Variants in DIP2C observed in about 807,000 individuals in gnomAD.
DIP2C encodes the protein DIP2 acetate--CoA ligase C (putative).
Under a neutral mutation model 192.4 loss-of-function variants are expected in DIP2C, and 33 were observed. That is an observed-to-expected ratio of 0.17 (90% CI 0.13 to 0.23). The LOEUF (loss-of-function observed/expected upper bound fraction) is 0.23, where lower values mean the gene tolerates loss of function less well. Among genes scored for constraint, DIP2C ranks in the 10% least tolerant of loss-of-function variants. DIP2C has a pLI of 1.00. For synonymous variants in DIP2C, 979 were observed against 864.1 expected (o/e 1.13, Z -2.33); for missense variants, 1,537 against 2,110.1 (o/e 0.73, Z 5.32).
intron 1 of DIP2C, among the ~76,000 whole-genome samples, chr10:502,254 T>C (rs1286374936): frequency 6.6e-6 from 1 of 152,216 alleles, no homozygotes. Context: ...GAAGATATTA[T>C]GAGGCACACA....
intron 4 of DIP2C, among the ~76,000 whole-genome samples, chr10:425,443 C>T (rs189943415): frequency 5.5e-5 from 8 of 145,196 alleles, no homozygotes; most frequent in Non-Finnish European, 7.5e-5. Flanking sequence ...TAATATGACA[C>T]GGATGATACA....
chr10:294,759 A>G (rs536879669), intron 32 of DIP2C, among the ~76,000 whole-genome samples: 1 of 152,306 alleles, frequency 6.6e-6, no homozygotes, highest in African/African-American at 2.4e-5. Flanking sequence ...CGTTTTTAAA[A>G]AAATACTTAC....
rs528780867 is a variant in DIP2C at position 509,932 on chromosome 10, G to A, written c.86-23402C>T. On this transcript the variant is annotated intron_variant, in intron 1 of 36. Coordinates refer to ENST00000280886, the MANE Select transcript of DIP2C (RefSeq NM_014974.3). ...CAGCAAGAGGAAGCTTCCCAGGGCAGGAGTTCTCCTTTCACAGCAAAAGTG... is the reference window on the plus strand; with the variant it reads ...CAGCAAGAGGAAGCTTCCCAGGGCAAGAGTTCTCCTTTCACAGCAAAAGTG... Among the ~76,000 whole-genome samples, 4 of 152,328 alleles carry A rather than the reference G, an allele frequency of 2.6e-5. No homozygotes were observed. The South Asian group carries it at 8.3e-4, about 32-fold the overall frequency.
At chr10:407,402 T>C (rs1238598058) in intron 9 of DIP2C, among the ~76,000 whole-genome samples, 1 of 152,158 alleles carries the variant, frequency 6.6e-6, no homozygotes, top group East Asian at 1.9e-4. Context: ...CTGAGTGTAC[T>C]CATCTCTCTC....
At chr10:670,274 A>T (rs1257286900) in intron 1 of DIP2C, among the ~76,000 whole-genome samples, 2 of 142,422 alleles carry the variant, frequency 1.4e-5, no homozygotes, top group Non-Finnish European at 3.0e-5. Flanking sequence ...ACACGCATGC[A>T]TATACACACG....
At chr10:585,189 C>T (rs558694899) in intron 1 of DIP2C, among the ~76,000 whole-genome samples, 12 of 152,320 alleles carry the variant, frequency 7.9e-5, no homozygotes, top group South Asian at 6.2e-4. Flanking sequence ...CGGAGAACAC[C>T]GACGTTTGTG....
At chr10:580,351 ATG>A (rs1011489991) in intron 1 of DIP2C, among the ~76,000 whole-genome samples, 2 of 152,190 alleles carry the variant, frequency 1.3e-5, no homozygotes, top group Admixed American at 1.3e-4. Flanking sequence ...GTGTACATGC[ATG>A]CTTACAGTGT....
chr10:574,653 G>C (rs1490209302), intron 1 of DIP2C, among the ~76,000 whole-genome samples: 2 of 152,336 alleles, frequency 1.3e-5, no homozygotes, highest in East Asian at 3.9e-4. Context: ...ATCTGCCCCA[G>C]CACTAACCTT....
chr10:488,558 G>A (rs1844185803), intron 1 of DIP2C, among the ~76,000 whole-genome samples: 1 of 152,154 alleles, frequency 6.6e-6, no homozygotes, highest in South Asian at 2.1e-4. Context: ...GGTGCCCAGA[G>A]GCCGCAGCCC....
chr10:385,802 C>T (rs1184430392), intron 14 of DIP2C, among the ~76,000 whole-genome samples: 1 of 152,078 alleles, frequency 6.6e-6, no homozygotes, highest in Non-Finnish European at 1.5e-5. Flanking sequence ...GGGGTGGGGG[C>T]AGACGAGAGG....
intron 2 of DIP2C, among the ~76,000 whole-genome samples, chr10:476,383 G>A (rs544169801): frequency 5.9e-5 from 9 of 152,170 alleles, no homozygotes; most frequent in Non-Finnish European, 8.8e-5. Flanking sequence ...TGGGATCCTA[G>A]GCAAGTTTGT....
In DIP2C at chr10:608,824, T is replaced by G. The variant is rs558446308; in HGVS notation, c.85+80670A>C. Among the ~76,000 whole-genome samples, 22 of 149,624 alleles carry G rather than the reference T, an allele frequency of 1.5e-4. 1 individual carries two copies. In the South Asian group the frequency reaches 4.6e-3, roughly 31 times the overall value. ...CTCTCCTCCAACCCATTGCTTAGTC[T>G]TCTTAGAGGATGAAGGATTTTACAT... On this transcript the variant is annotated intron_variant, in intron 1 of 36. Transcript: ENST00000280886.
intron 1 of DIP2C, among the ~76,000 whole-genome samples, chr10:606,498 T>TG (rs1469171694): frequency 6.6e-6 from 1 of 150,672 alleles, no homozygotes; most frequent in Admixed American, 6.6e-5. Flanking sequence ...TCTCATTGGT[T>TG]GGGAGGGGAT....
At chr10:323,410 A>G (rs1199206587) in intron 31 of DIP2C, among the ~76,000 whole-genome samples, 16 of 110,426 alleles carry the variant, frequency 1.4e-4, no homozygotes, top group South Asian at 6.9e-4. Flanking sequence ...CCGGCGAGAG[A>G]CCGGCGCTGT....
chr10:636,127 T>C lies in DIP2C; in HGVS notation c.85+53367A>G, dbSNP rs1854819110. ...CCTGTGCTCATAGCTACATACAAAA[T>C]AACTTTATCACAAGGAAAACTAGGT... On this transcript the variant is annotated intron_variant, in intron 1 of 36. Coordinates refer to ENST00000280886, the MANE Select transcript of DIP2C (RefSeq NM_014974.3). The surrounding 1 kb of genome is among the most constrained non-coding windows in gnomAD (Gnocchi z 4.6). Among the ~76,000 whole-genome samples, 1 of 152,062 alleles carries C rather than the reference T, an allele frequency of 6.6e-6. No homozygotes were observed. The highest frequency in any genetic ancestry group is 1.5e-5 in the Non-Finnish European group (1 of 68,012).
chr10:593,158 G>A (rs370716633), intron 1 of DIP2C, among the ~76,000 whole-genome samples: 39 of 152,108 alleles, frequency 2.6e-4, no homozygotes, highest in African/African-American at 6.7e-4. Context: ...CTCCTCTGCC[G>A]CCTTCCTGCA....
At chr10:352,391 G>A (rs571845768) in intron 24 of DIP2C, among the ~76,000 whole-genome samples, 1 of 152,240 alleles carries the variant, frequency 6.6e-6, no homozygotes, top group Non-Finnish European at 1.5e-5. Flanking sequence ...TCTCAATGCT[G>A]GTTGATGTCT....
At chr10:278,175 C>T (rs1375213377) in intron 36 of DIP2C, among the ~76,000 whole-genome samples, 2 of 151,230 alleles carry the variant, frequency 1.3e-5, no homozygotes, top group East Asian at 1.9e-4. Flanking sequence ...GAGGGCCGTG[C>T]GTGTGGACGC....
chr10:495,570 CAA>C (rs11326825), intron 1 of DIP2C, among the ~76,000 whole-genome samples: 3 of 139,568 alleles, frequency 2.1e-5, no homozygotes, highest in African/African-American at 5.1e-5. Context: ...TCTCAGTGAA[CAA>C]AAAAAAAAAA....
Sources: gnomAD v4.1 joint callset for allele counts (sites outside exome capture counted in the v4.1 genomes callset) on GRCh38, gnomAD v4.1.1 for gene constraint, Gnocchi (gnomAD v3.1) non-coding constraint, MANE v1.5 for transcripts, NCBI Gene and HGNC (gene_info 2026-07-23, HGNC 2026-07-21) for gene names.